PXK: variants seen among roughly 807,000 people sequenced by gnomAD.
PXK encodes the protein PX domain containing serine/threonine kinase like.
In PXK, 35 loss-of-function variants were observed where a neutral mutation model predicts 84.7. That is an observed-to-expected ratio of 0.41 (90% CI 0.32 to 0.55). The LOEUF (loss-of-function observed/expected upper bound fraction) is 0.55, where lower values mean the gene tolerates loss of function less well. Ranked by LOEUF, PXK falls within the 20% of genes least tolerant of loss-of-function variation. The pLI, the probability that PXK is intolerant of heterozygous loss-of-function variation, is 0.21. For synonymous variants in PXK, 253 were observed against 260.8 expected (o/e 0.97, Z 0.29); for missense variants, 634 against 699.7 (o/e 0.91, Z 1.06).
intron 1 of PXK, among the ~76,000 whole-genome samples, chr3:58,349,860 A>C (rs1011924031): frequency 6.6e-6 from 1 of 152,152 alleles, no homozygotes; most frequent in African/African-American, 2.4e-5. Flanking sequence ...GCTCTCTTCA[A>C]ACTGCTGAAC....
intron 17 of PXK, among the ~76,000 whole-genome samples, chr3:58,424,032 A>G (rs914646255): frequency 1.3e-5 from 2 of 152,188 alleles, no homozygotes; most frequent in African/African-American, 4.8e-5. Context: ...CACAATGGAG[A>G]GAACAGTACT....
Position 58,370,481 on chromosome 3 carries a change from GT to G in PXK, c.201+1004del, listed in dbSNP as rs1368773359. On this transcript the variant is annotated intron_variant, in intron 3 of 17. Coordinates refer to ENST00000356151, the MANE Select transcript of PXK (RefSeq NM_017771.5). The surrounding 1 kb of genome is among the most constrained non-coding windows in gnomAD (Gnocchi z 4.2). ...GTGTGTCATACTTCAGGTTTGATTG[GT>G]AACATAAAACCCTTTAAACCTGAGG... 6.6e-6 allele frequency among the ~76,000 whole-genome samples: 1 copy of G among 152,138 alleles called. No individual in the cohort carries two copies. The highest frequency in any genetic ancestry group is 1.5e-5 in the Non-Finnish European group (1 of 68,036).
Position 58,397,068 on chromosome 3 carries a change from C to A in PXK, c.852C>A (p.Phe284Leu). ...TGAAGTTTCTTCATGACAAGGGATT[C>A]CCTTATGGGCATCTTCACGCCTCCA... ...EVLKFLHDKG[F>L]PYGHLHASNV... Residue 284 changes from phenylalanine (F) to leucine (L), a missense_variant, in exon 10 of 18, where the codon TTC becomes TTA. Physicochemically the swap from Phe to Leu is conservative, Grantham distance 22. Transcript: ENST00000356151. This position sits in a 1 kb window ranked among gnomAD's most constrained non-coding sequence, Gnocchi z 4.7. The A allele has an allele frequency of 9.9e-6, 16 of 1,614,160 alleles. No individual in the cohort carries two copies. Among genetic ancestry groups the A allele is most frequent in the Non-Finnish European group, 1.4e-5 (16 of 1,180,024 alleles).
rs75633010 is a variant in PXK, at chr3:58,409,774, G to GGA, written c.1395+156_1395+157insGA. ...ATGACTGGGGTGCAGTTTTTTTGGG[G>GGA]AAAAAAAAAGAGTCATATGATAATC... On this transcript the variant is annotated intron_variant, in intron 15 of 17. Transcript: ENST00000356151. This position sits in a 1 kb window ranked among gnomAD's most constrained non-coding sequence, Gnocchi z 4.2. Among the ~76,000 whole-genome samples the GGA allele has an allele frequency of 1.7e-3, 251 of 150,572 alleles. 4 individuals carry two copies. The highest frequency in any genetic ancestry group is 0.011 in the Admixed American group (164 of 15,142).
chr3:58,399,395 G>T lies in PXK; in HGVS notation c.1181+18G>T. The T allele has an allele frequency of 6.3e-7, 1 of 1,599,872 alleles. No individual in the cohort carries two copies. The highest frequency in any genetic ancestry group is 1.7e-5 in the Admixed American group (1 of 59,948). On this transcript the variant is annotated intron_variant, in intron 12 of 17. Coordinates refer to ENST00000356151, the MANE Select transcript of PXK (RefSeq NM_017771.5). The surrounding 1 kb of genome is among the most constrained non-coding windows in gnomAD (Gnocchi z 4.3). ...CAGATGCCGTAAGTCAATCATATGC[G>T]TTGGTTGTAATCTTGATAACTATGT...
rs1375887133 is a variant in PXK at position 58,379,901 on chromosome 3, G to C, written c.202-2613G>C. Among the ~76,000 whole-genome samples the C allele has an allele frequency of 3.9e-5, 6 of 152,064 alleles. No homozygotes were observed. The highest frequency in any genetic ancestry group is 1.4e-4 in the African/African-American group (6 of 41,402). On this transcript the variant is annotated intron_variant, in intron 3 of 17. Coordinates refer to ENST00000356151, the MANE Select transcript of PXK (RefSeq NM_017771.5). This position sits in a 1 kb window ranked among gnomAD's most constrained non-coding sequence, Gnocchi z 5.1. ...GTGACAGGATTGCTTGAGCTTAGGA[G>C]GTCGAGGCTACAGTGAGCGGTGATC...
At position 58,410,166 on chromosome 3, in the gene PXK, GGT is replaced by G. The variant is rs757538506; in HGVS notation, c.1465+8_1465+9del. On this transcript the variant is annotated splice_region_variant and intron_variant, in intron 16 of 17. Coordinates refer to ENST00000356151, the MANE Select transcript of PXK (RefSeq NM_017771.5). ...AGCAACTCCAATAATTCAGGTAACT[GGT>G]TATAGATGGTAGTGGGGCCCAGGAC... 1.2e-5 allele frequency: 19 copies of G among 1,561,940 alleles called. No individual in the cohort carries two copies. The South Asian group carries it at 2.1e-4, about 17-fold the overall frequency.
At chr3:58,363,934 T>A (rs2098230259) in intron 1 of PXK, among the ~76,000 whole-genome samples, 1 of 152,174 alleles carries the variant, frequency 6.6e-6, no homozygotes, top group South Asian at 2.1e-4. Flanking sequence ...TTTCTAAAAT[T>A]TTTTATCATG....
chr3:58,347,025 G>A (rs758555224), intron 1 of PXK, among the ~76,000 whole-genome samples: 1 of 152,134 alleles, frequency 6.6e-6, no homozygotes, highest in Admixed American at 6.5e-5. Context: ...ATTTTTAGTA[G>A]AGATGGGGTT....
Position 58,421,824 on chromosome 3 carries a change from A to T in PXK, c.1529-2928A>T. 1.0e-6 allele frequency: 1 copy of T among 985,430 alleles called. No individual in the cohort carries two copies. Among genetic ancestry groups the T allele is most frequent in the African/African-American group, 1.7e-5 (1 of 57,366 alleles). 61.0% of individuals were successfully genotyped at this position (985,430 alleles called of 1,614,324 possible). On this transcript the variant is annotated intron_variant, in intron 17 of 17. Coordinates refer to ENST00000356151, the MANE Select transcript of PXK (RefSeq NM_017771.5). The surrounding 1 kb of genome is among the most constrained non-coding windows in gnomAD (Gnocchi z 5.5). ...GTCTAAGAGAAAGTGAGATGGGAGAAATCGGGACTGACCTGGTCGTAACTG... is the reference window on the plus strand; with the variant it reads ...GTCTAAGAGAAAGTGAGATGGGAGATATCGGGACTGACCTGGTCGTAACTG...
At chr3:58,344,014 A>C (rs963102646) in intron 1 of PXK, among the ~76,000 whole-genome samples, 8 of 152,130 alleles carry the variant, frequency 5.3e-5, no homozygotes, top group Non-Finnish European at 7.4e-5. Context: ...CCCCTCCCCC[A>C]GTCACACACA....
chr3:58,369,215 C>T (rs1208161175), intron 2 of PXK, among the ~76,000 whole-genome samples: 1 of 152,150 alleles, frequency 6.6e-6, no homozygotes, highest in Non-Finnish European at 1.5e-5. Context: ...AGGTATTAAC[C>T]AGTTTCCCAT....
In PXK at chr3:58,342,973, A is replaced by G. The variant is rs144130641; in HGVS notation, c.102+9883A>G. ...GCCTGCTGTCGCAGCACCTCTTTATAATATTTAAACAAGGCTGCTCACATT... is the reference window on the plus strand; with the variant it reads ...GCCTGCTGTCGCAGCACCTCTTTATGATATTTAAACAAGGCTGCTCACATT... On this transcript the variant is annotated intron_variant, in intron 1 of 17. Transcript: ENST00000356151. Among the ~76,000 whole-genome samples the G allele has an allele frequency of 1.3e-3, 194 of 152,324 alleles. 1 individual carries two copies. The highest frequency in any genetic ancestry group is 2.1e-3 in the Non-Finnish European group (142 of 68,034).
At chr3:58,340,684 C>A (rs1215944028) in intron 1 of PXK, among the ~76,000 whole-genome samples, 2 of 151,562 alleles carry the variant, frequency 1.3e-5, no homozygotes, top group Admixed American at 6.6e-5. Flanking sequence ...AAGATGGCAC[C>A]ATTGCACTCC....
At position 58,391,858 on chromosome 3, in the gene PXK, G is replaced by C. The variant is rs543357534; in HGVS notation, c.615+11G>C. 7 of 1,596,040 alleles carry C rather than the reference G, an allele frequency of 4.4e-6. No homozygotes were observed. Among genetic ancestry groups the C allele is most frequent in the Non-Finnish European group, 3.4e-6 (4 of 1,164,010 alleles). ...CTGCCTTCTTGTTTGGTGAGTATACGTCTTTCTTTTATTCTCAGTGCTGAT... is the reference window on the plus strand; with the variant it reads ...CTGCCTTCTTGTTTGGTGAGTATACCTCTTTCTTTTATTCTCAGTGCTGAT... On this transcript the variant is annotated intron_variant, in intron 7 of 17. Coordinates refer to ENST00000356151, the MANE Select transcript of PXK (RefSeq NM_017771.5).
chr3:58,393,740 A>C (rs2098654374), intron 7 of PXK, among the ~76,000 whole-genome samples: 1 of 152,234 alleles, frequency 6.6e-6, no homozygotes, highest in Non-Finnish European at 1.5e-5. Flanking sequence ...CCAATGTGTA[A>C]GGAGATATTG....
In PXK at chr3:58,351,964, T is replaced by C. The variant is rs148708929; in HGVS notation, c.103-13910T>C. On this transcript the variant is annotated intron_variant, in intron 1 of 17. Coordinates refer to ENST00000356151, the MANE Select transcript of PXK (RefSeq NM_017771.5). ...CAAAGCTGGCCATTGTGCTGGCTGC[T>C]CTAAATATACTGTCTTCTTTCATAT... is the stretch of plus-strand genomic sequence containing the variant. Among the ~76,000 whole-genome samples the C allele has an allele frequency of 6.0e-3, 913 of 152,348 alleles. 9 individuals are homozygous for C. Among genetic ancestry groups the C allele is most frequent in the African/African-American group, 0.021 (861 of 41,586 alleles).
At chr3:58,342,193 T>G (rs1373138318) in intron 1 of PXK, among the ~76,000 whole-genome samples, 1 of 152,166 alleles carries the variant, frequency 6.6e-6, no homozygotes, top group Non-Finnish European at 1.5e-5. Context: ...CACAAGTTCT[T>G]TAGCTCTTCG....
chr3:58,409,428 T>C lies in PXK; in HGVS notation c.1309-104T>C. ...AGACAGCCTGAGCAAGGAAAGATTT[T>C]CTTTTATCCCAATAAAATGTGGTTT... is the stretch of plus-strand genomic sequence containing the variant. On this transcript the variant is annotated intron_variant, in intron 14 of 17. Transcript: ENST00000356151. The surrounding 1 kb of genome is among the most constrained non-coding windows in gnomAD (Gnocchi z 4.2). The C allele has an allele frequency of 9.4e-7, 1 of 1,064,036 alleles. No individual in the cohort carries two copies. Among genetic ancestry groups the C allele is most frequent in the Non-Finnish European group, 1.4e-6 (1 of 710,542 alleles). The allele number at this position is 1,064,036 out of a possible 1,614,324, so 65.9% of individuals were successfully genotyped here.
Sources: allele counts gnomAD v4.1 joint callset (sites outside exome capture counted in the v4.1 genomes callset), GRCh38; gene constraint gnomAD v4.1.1; non-coding constraint Gnocchi (gnomAD v3.1); transcripts MANE v1.5; gene names NCBI Gene and HGNC (gene_info 2026-07-23, HGNC 2026-07-21).